Variants in NELL1 observed in about 807,000 individuals in gnomAD.
The protein encoded by NELL1 is neural EGFL like 1, also known as protein kinase C-binding protein NELL1.
A neutral mutation model predicts 107.4 loss-of-function variants in NELL1; 76 were observed. That is an observed-to-expected ratio of 0.71 (90% confidence interval 0.59 to 0.86). The LOEUF (loss-of-function observed/expected upper bound fraction) is 0.86, where lower values mean the gene tolerates loss of function less well. Ranked by LOEUF, NELL1 falls within the 40% of genes least tolerant of loss-of-function variation. NELL1 has a pLI of 0.00. For synonymous variants in NELL1, 353 were observed against 341.2 expected (o/e 1.03, Z -0.38); for missense variants, 1,024 against 1,005.5 (o/e 1.02, Z -0.25).
intron 13 of NELL1, among the ~76,000 whole-genome samples, chr11:21,122,921 T>C (rs1855402024): frequency 6.6e-6 from 1 of 152,198 alleles, no homozygotes; most frequent in African/African-American, 2.4e-5. Flanking sequence ...AGCTGCTCCA[T>C]GAAATCCTCA....
At chr11:21,283,614 A>T (rs953096453) in intron 14 of NELL1, 1 of 156,736 alleles carries the variant, frequency 6.4e-6, no homozygotes, top group Non-Finnish European at 1.4e-5. Context: ...CTGTCTAGCT[A>T]TCTCTCTCAC....
chr11:20,748,913 CAT>C lies in NELL1; in HGVS notation c.185-34766_185-34765del, dbSNP rs1590257311. ...CCATCCATCCATCCACCCAGCCACC[CAT>C]CCATCCATCCATCCATCCATCCATC... is the stretch of plus-strand genomic sequence containing the variant. On this transcript the variant is annotated intron_variant, in intron 2 of 19. Coordinates refer to ENST00000357134, the MANE Select transcript of NELL1 (RefSeq NM_006157.5). 2.6e-5 allele frequency among the ~76,000 whole-genome samples: 3 copies of C among 117,108 alleles called. No homozygotes were observed. In the East Asian group the frequency reaches 6.8e-4, roughly 27 times the overall value. 76.8% of individuals were successfully genotyped at this position (117,108 alleles called of 152,430 possible). A position where few individuals can be genotyped will look rare whatever the true frequency, so the allele number is the denominator to read the frequency against.
intron 15 of NELL1, among the ~76,000 whole-genome samples, chr11:21,414,190 T>A (rs1852445191): frequency 6.6e-6 from 1 of 151,934 alleles, no homozygotes; most frequent in African/African-American, 2.4e-5. Context: ...TGGTAAGAGG[T>A]CTTTGGAAAT....
At chr11:21,305,894 C>A (rs1849594797) in intron 14 of NELL1, among the ~76,000 whole-genome samples, 1 of 151,930 alleles carries the variant, frequency 6.6e-6, no homozygotes, top group African/African-American at 2.4e-5. Context: ...CAATCAATAT[C>A]TTTCTGCACT....
intron 13 of NELL1, among the ~76,000 whole-genome samples, chr11:21,156,388 A>G (rs1856235337): frequency 6.6e-6 from 1 of 152,176 alleles, no homozygotes; most frequent in African/African-American, 2.4e-5. Flanking sequence ...TTGGCTGGGC[A>G]AAGGGAGGTG....
chr11:20,816,918 G>A (rs1230329184), intron 3 of NELL1, among the ~76,000 whole-genome samples: 1 of 152,064 alleles, frequency 6.6e-6, no homozygotes, highest in African/African-American at 2.4e-5. Context: ...TTTGTTTTTA[G>A]TTTTGTTTAT....
intron 2 of NELL1, among the ~76,000 whole-genome samples, chr11:20,760,553 CA>C (rs1169214871): frequency 2.0e-5 from 3 of 151,560 alleles, no homozygotes; most frequent in Non-Finnish European, 4.4e-5. Flanking sequence ...TCTCTGTCCT[CA>C]AGGGCATGGA....
In NELL1 at chr11:20,886,153, A is replaced by T. The variant is rs566038172; in HGVS notation, c.603+613A>T. Among the ~76,000 whole-genome samples, 5 of 152,218 alleles carry T rather than the reference A, an allele frequency of 3.3e-5. No individual in the cohort carries two copies. The East Asian group carries it at 9.7e-4, about 29-fold the overall frequency. On this transcript the variant is annotated intron_variant, in intron 5 of 19. Coordinates refer to ENST00000357134, the MANE Select transcript of NELL1 (RefSeq NM_006157.5). ...ATGGGCTGAAAAACTATTTGGTACC[A>T]TGCTCACTACCTGAGTGACTGGACC...
At chr11:21,315,596 GT>G (rs1334593132) in intron 14 of NELL1, among the ~76,000 whole-genome samples, 1 of 152,120 alleles carries the variant, frequency 6.6e-6, no homozygotes, top group Non-Finnish European at 1.5e-5. Context: ...GCTCAGTTAT[GT>G]TTTTTTCAAA....
At chr11:21,301,924 T>C (rs948650803) in intron 14 of NELL1, among the ~76,000 whole-genome samples, 2 of 152,072 alleles carry the variant, frequency 1.3e-5, no homozygotes, top group South Asian at 4.1e-4. Context: ...CATTATTTAC[T>C]CCATCAATGA....
chr11:21,281,593 T>C (rs1007553883), intron 14 of NELL1, among the ~76,000 whole-genome samples: 1 of 152,082 alleles, frequency 6.6e-6, no homozygotes, highest in Non-Finnish European at 1.5e-5. Flanking sequence ...CAGCAGACCT[T>C]GGACAAGGCC....
At chr11:21,256,972 G>A (rs1327389051) in intron 14 of NELL1, among the ~76,000 whole-genome samples, 1 of 151,936 alleles carries the variant, frequency 6.6e-6, no homozygotes, top group Non-Finnish European at 1.5e-5. Context: ...GGGAAAATGT[G>A]ACCCAAATTT....
intron 3 of NELL1, among the ~76,000 whole-genome samples, chr11:20,830,043 G>A (rs1255375652): frequency 6.6e-6 from 1 of 151,926 alleles, no homozygotes; most frequent in East Asian, 2.0e-4. Flanking sequence ...GGAGGCTGAG[G>A]CAGGTGGACC....
intron 11 of NELL1, among the ~76,000 whole-genome samples, chr11:20,950,289 A>G (rs558484656): frequency 6.6e-6 from 1 of 152,302 alleles, no homozygotes; most frequent in South Asian, 2.1e-4. Context: ...AATGAAAGGC[A>G]TATTTAGTGA....
At chr11:21,544,305 T>C (rs1477145790) in intron 16 of NELL1, among the ~76,000 whole-genome samples, 1 of 151,986 alleles carries the variant, frequency 6.6e-6, no homozygotes, top group Non-Finnish European at 1.5e-5. Flanking sequence ...TGCAGAAAAT[T>C]TATACCATAG....
At chr11:20,935,670 G>C (rs1010837462) in intron 9 of NELL1, 2 of 152,238 alleles carry the variant, frequency 1.3e-5, no homozygotes, top group East Asian at 3.9e-4. Context: ...GGGAAGGACT[G>C]GTGAAGATTG....
chr11:21,490,124 A>C (rs1271697820), intron 15 of NELL1, among the ~76,000 whole-genome samples: 1 of 152,142 alleles, frequency 6.6e-6, no homozygotes, highest in Non-Finnish European at 1.5e-5. Context: ...TACAAAAATC[A>C]GTAGCATTTC....
At chr11:21,374,757 G>T (rs1316240472) in intron 15 of NELL1, among the ~76,000 whole-genome samples, 1 of 151,912 alleles carries the variant, frequency 6.6e-6, no homozygotes, top group Non-Finnish European at 1.5e-5. Context: ...AAATTTTCTG[G>T]TTTTAGTCTT....
At chr11:21,261,602 G>A (rs1041891264) in intron 14 of NELL1, among the ~76,000 whole-genome samples, 11 of 151,780 alleles carry the variant, frequency 7.2e-5, no homozygotes, top group African/African-American at 2.4e-4. Flanking sequence ...GGCAGAGAGC[G>A]ATTAAAGAAT....
Sources: gnomAD v4.1 joint callset for allele counts (sites outside exome capture counted in the v4.1 genomes callset) on GRCh38, gnomAD v4.1.1 for gene constraint, MANE v1.5 for transcripts, NCBI Gene and HGNC (gene_info 2026-07-23, HGNC 2026-07-21) for gene names.